Variants in TRIM33 observed in about 807,000 individuals in gnomAD.
The protein encoded by TRIM33 is E3 ubiquitin-protein ligase TRIM33.
Under a neutral mutation model 125.4 loss-of-function variants are expected in TRIM33, and 20 were observed. The observed-to-expected ratio is 0.16, with a 90% CI of 0.11 to 0.23. The LOEUF (loss-of-function observed/expected upper bound fraction) is 0.23. TRIM33 is among the 10% of genes least tolerant of loss of function. The probability of loss-of-function intolerance (pLI) is 1.00; values close to 1 mark genes in which losing one functional copy is unlikely to be tolerated. For synonymous variants in TRIM33, 564 were observed against 513.9 expected, an observed-to-expected ratio of 1.10 and a Z score of -1.32; for missense variants, 920 against 1,411.4, an observed-to-expected ratio of 0.65 and a Z score of 5.58.
At chr1:114,493,896 G>A (rs533737413) in intron 1 of TRIM33, among the ~76,000 whole-genome samples, 24 of 152,176 alleles carry the variant, frequency 1.6e-4, no homozygotes, top group African/African-American at 3.9e-4. Flanking sequence ...GCACGATCTC[G>A]GCTCACTGCA....
chr1:114,420,448 T>C (rs1557853837), intron 11 of TRIM33: 3 of 1,333,628 alleles, frequency 2.2e-6, no homozygotes, highest in Non-Finnish European at 3.0e-6. Flanking sequence ...GGAACAACGT[T>C]TGCCTGTGGC....
intron 4 of TRIM33, among the ~76,000 whole-genome samples, chr1:114,456,476 G>A (rs1042564847): frequency 2.0e-5 from 3 of 152,240 alleles, no homozygotes; most frequent in Non-Finnish European, 2.9e-5. Flanking sequence ...AAGTAGTTCC[G>A]CCATAGCATC....
chr1:114,425,833 C>T, intron 8 of TRIM33, 110 bp from the exon 9 acceptor site: 1 of 724,616 alleles, frequency 1.4e-6, no homozygotes, highest in Non-Finnish European at 2.3e-6. Flanking sequence ...CACCTCAAAG[C>T]TCCAACAGTA....
intron 1 of TRIM33, chr1:114,490,898 A>T (rs1380882016): frequency 6.6e-6 from 1 of 152,226 alleles, no homozygotes; most frequent in Non-Finnish European, 1.5e-5. Context: ...GGCGAAGGTC[A>T]GCCACATAAG....
At chr1:114,417,886 C>T (rs769678176) in intron 11 of TRIM33, among the ~76,000 whole-genome samples, 1 of 152,050 alleles carries the variant, frequency 6.6e-6, no homozygotes, top group Admixed American at 6.6e-5. Flanking sequence ...AAACTCCTGA[C>T]CTCAGGTGAT....
At position 114,510,739 on chromosome 1, in the gene TRIM33, G is replaced by T; in HGVS notation, c.338C>A (p.Pro113Gln). The T allele has an allele frequency of 6.5e-7, 1 of 1,526,776 alleles. No homozygotes were observed. Among genetic ancestry groups the T allele is most frequent in the Non-Finnish European group, 8.8e-7 (1 of 1,141,580 alleles). 94.6% of individuals were successfully genotyped at this position (1,526,776 alleles called of 1,614,324 possible). ...SAPAPGPSAG[P>Q]PPGPPASLLD... ...GAGCGAGGCTGGCGGTCCAGGAGGC[G>T]GCCCTGCCGAGGGACCCGGAGCGGG... Residue 113 changes from proline to glutamine, a missense_variant, in exon 1 of 20, where the codon CCG becomes CAG. Around this residue, in one of 8 missense-constraint regions of TRIM33, gnomAD observed 233 missense variants for 189.6 expected, o/e 1.23. Transcript: ENST00000358465.
rs996651640 is a variant in TRIM33 at position 114,418,759 on chromosome 1, C to G, written c.2061+2677G>C. Among the ~76,000 whole-genome samples the G allele has an allele frequency of 3.3e-5, 5 of 152,124 alleles. No homozygotes were observed. In the East Asian group the frequency reaches 7.7e-4, roughly 23 times the overall value. On this transcript the variant is annotated intron_variant, in intron 11 of 19. Coordinates refer to ENST00000358465, the MANE Select transcript of TRIM33 (RefSeq NM_015906.4). ...ATGTCTGACACTGACAATGGCTCCA[C>G]CTGGACCCAACAAGCCCTCCAACAA... is the stretch of plus-strand genomic sequence containing the variant.
At chr1:114,417,883 T>C (rs1557851981) in intron 11 of TRIM33, among the ~76,000 whole-genome samples, 3 of 152,104 alleles carry the variant, frequency 2.0e-5, no homozygotes, top group African/African-American at 7.2e-5. Context: ...CTCAAACTCC[T>C]GACCTCAGGT....
At chr1:114,500,621 AG>A (rs1325972094) in intron 1 of TRIM33, among the ~76,000 whole-genome samples, 2 of 151,390 alleles carry the variant, frequency 1.3e-5, no homozygotes, top group East Asian at 3.9e-4. Flanking sequence ...AAAAAAAAAA[AG>A]GAGCAAAAGG....
intron 4 of TRIM33, among the ~76,000 whole-genome samples, chr1:114,448,096 G>A (rs1406995875): frequency 6.6e-6 from 1 of 152,156 alleles, no homozygotes; most frequent in Non-Finnish European, 1.5e-5. Flanking sequence ...TGAAATATAG[G>A]AATAATTGTT....
chr1:114,489,636 T>C (rs1369973058), intron 1 of TRIM33, among the ~76,000 whole-genome samples: 1 of 151,808 alleles, frequency 6.6e-6, no homozygotes, highest in African/African-American at 2.4e-5. Flanking sequence ...TCCCAGCTAC[T>C]TGGGAGGCTG....
intron 1 of TRIM33, among the ~76,000 whole-genome samples, chr1:114,504,046 G>A (rs1211085562): frequency 6.6e-6 from 1 of 152,078 alleles, no homozygotes; most frequent in Admixed American, 6.5e-5. Flanking sequence ...GTTTCATAAA[G>A]GATATTAAGT....
chr1:114,500,778 T>C (rs1360965690), intron 1 of TRIM33, among the ~76,000 whole-genome samples: 3 of 151,846 alleles, frequency 2.0e-5, no homozygotes, highest in Non-Finnish European at 2.9e-5. Context: ...TATTTTAATA[T>C]AAAAACATGA....
chr1:114,421,933 C>T (rs1647229415), intron 10 of TRIM33, among the ~76,000 whole-genome samples: 1 of 152,206 alleles, frequency 6.6e-6, no homozygotes, highest in Non-Finnish European at 1.5e-5. Context: ...TCCAAATTTT[C>T]AAACACCGGG....
chr1:114,440,665 G>A (rs897283813), intron 4 of TRIM33, among the ~76,000 whole-genome samples: 1 of 152,112 alleles, frequency 6.6e-6, no homozygotes, highest in African/African-American at 2.4e-5. Context: ...TATAATGGAT[G>A]GGTTTTAATG....
intron 13 of TRIM33, 152 bp from the exon 14 acceptor site, chr1:114,407,252 T>A (rs1652303701): frequency 1.5e-6 from 1 of 680,256 alleles, no homozygotes; most frequent in Non-Finnish European, 2.4e-6. Context: ...TTAAGGGGAA[T>A]GTGGTATAAA....
chr1:114,429,257 G>A (rs913832256), intron 6 of TRIM33, among the ~76,000 whole-genome samples: 6 of 150,902 alleles, frequency 4.0e-5, no homozygotes, highest in African/African-American at 1.5e-4. Flanking sequence ...GCGCAATCTT[G>A]CCTCACCGCA....
chr1:114,510,878 C>A lies in TRIM33; in HGVS notation c.199G>T (p.Val67Leu). The A allele has an allele frequency of 2.1e-6, 3 of 1,447,260 alleles. No homozygotes were observed. The highest frequency in any genetic ancestry group is 2.7e-5 in the South Asian group (2 of 73,004). The allele number at this position is 1,447,260 out of a possible 1,614,324, so 89.7% of individuals were successfully genotyped here. ...GGAAGPDDGG[V>L]AAASSGSAQA... ...GCCGAGCCCGAGGAGGCCGCGGCCA[C>A]CCCCCCGTCGTCGGGCCCGGCCGCG... The change falls in exon 1 of 20, where the codon GTG becomes TTG. Residue 67 changes from valine to leucine, a missense_variant. This residue lies in a region of TRIM33 where 233 missense variants were observed against 189.6 expected (regional missense o/e 1.23). Coordinates refer to ENST00000358465, the MANE Select transcript of TRIM33 (RefSeq NM_015906.4).
At chr1:114,483,451 C>T (rs1557893508) in intron 1 of TRIM33, among the ~76,000 whole-genome samples, 1 of 150,818 alleles carries the variant, frequency 6.6e-6, no homozygotes, top group Non-Finnish European at 1.5e-5. Context: ...GAGTCTCTGT[C>T]TGTGGCCCAG....
Sources: gnomAD v4.1 joint callset for allele counts (sites outside exome capture counted in the v4.1 genomes callset) on GRCh38, gnomAD v4.1.1 for gene constraint, gnomAD v4.1.1 regional missense constraint, MANE v1.5 for transcripts, NCBI Gene and HGNC (gene_info 2026-07-23, HGNC 2026-07-21) for gene names.